Variants in APAF1 observed in about 807,000 individuals in gnomAD.
The protein encoded by APAF1 is apoptotic protease-activating factor 1.
A neutral mutation model predicts 152.4 loss-of-function variants in APAF1; 91 were observed. The observed-to-expected ratio is 0.60, with a 90% CI of 0.50 to 0.71. The LOEUF (loss-of-function observed/expected upper bound fraction) is 0.71. APAF1 is among the 30% of genes least tolerant of loss of function. APAF1 has a pLI of 0.00. For missense variants in APAF1, 1,283 were observed against 1,472.0 expected (o/e 0.87, Z 2.10); for synonymous variants, 484 against 494.1 (o/e 0.98, Z 0.27).
intron 24 of APAF1, among the ~76,000 whole-genome samples, chr12:98,724,419 C>T (rs2097747449): frequency 1.3e-5 from 2 of 151,252 alleles, no homozygotes; most frequent in African/African-American, 4.9e-5. Context: ...TGTTGAAACA[C>T]CTATTACCTA....
At chr12:98,672,211 C>T (rs2097681073) in intron 12 of APAF1, among the ~76,000 whole-genome samples, 1 of 152,098 alleles carries the variant, frequency 6.6e-6, no homozygotes, top group Non-Finnish European at 1.5e-5. Context: ...GTTGCCAAGG[C>T]TGGAGTGCAG....
At chr12:98,667,767 T>A in intron 10 of APAF1, 123 bp downstream of exon 10, 50 of 315,246 alleles carry the variant, frequency 1.6e-4, no homozygotes, top group East Asian at 3.6e-4. Context: ...TCCATTTGAT[T>A]TTTTTTTTTT....
rs149880887 is a variant in APAF1 at position 98,715,038 on chromosome 12, T to C, written c.2959-389T>C. Among the ~76,000 whole-genome samples the C allele has an allele frequency of 4.7e-5, 7 of 149,672 alleles. No homozygotes were observed. The South Asian group carries it at 1.3e-3, about 27-fold the overall frequency. The stretch of plus-strand genomic sequence containing the variant: ...ATAATTTGCCTTCTCATCCAGGACT[T>C]ACTTACTTTCTTCTCTCTTATCCAT... On this transcript the variant is annotated intron_variant, in intron 21 of 26. Coordinates refer to ENST00000551964, the MANE Select transcript of APAF1 (RefSeq NM_181861.2).
chr12:98,686,690 C>T, intron 15 of APAF1, 58 bp from the exon 16 acceptor site: 1 of 1,529,884 alleles, frequency 6.5e-7, no homozygotes, highest in East Asian at 2.3e-5. Flanking sequence ...CACATGATTT[C>T]TGATGTTTCC....
At chr12:98,700,255 A>G (rs184239133) in intron 17 of APAF1, among the ~76,000 whole-genome samples, 9 of 152,310 alleles carry the variant, frequency 5.9e-5, no homozygotes, top group South Asian at 2.1e-4. Flanking sequence ...CAGAGCAGCC[A>G]AATGATTTGT....
intron 20 of APAF1, among the ~76,000 whole-genome samples, chr12:98,711,398 T>A (rs1224597855): frequency 6.6e-6 from 1 of 150,934 alleles, no homozygotes; most frequent in East Asian, 1.9e-4. Context: ...CATTTTTTAG[T>A]TACTACTTAA....
At chr12:98,676,600 G>A (rs1403928923) in intron 12 of APAF1, among the ~76,000 whole-genome samples, 1 of 151,308 alleles carries the variant, frequency 6.6e-6, no homozygotes, top group Non-Finnish European at 1.5e-5. Context: ...AGAATATGAT[G>A]TTGCTTTATC....
In APAF1 at chr12:98,670,729, G is replaced by A. The variant is rs373741328; in HGVS notation, c.1495-244G>A. On this transcript the variant is annotated intron_variant, in intron 10 of 26. Transcript: ENST00000551964. ...CAAAAATATTTATTTTTATTTTCTA[G>A]TATTTTTAAATGTTTTCTATTTTCT... The A allele has an allele frequency of 8.9e-5, 28 of 315,052 alleles. No individual in the cohort carries two copies. In the East Asian group the frequency reaches 9.4e-4, roughly 11 times the overall value. 19.5% of individuals were successfully genotyped at this position (315,052 alleles called of 1,614,324 possible). A position where few individuals can be genotyped will look rare whatever the true frequency, so the allele number is the denominator to read the frequency against.
At chr12:98,705,651 A>G (rs2097720585) in intron 18 of APAF1, among the ~76,000 whole-genome samples, 1 of 152,242 alleles carries the variant, frequency 6.6e-6, no homozygotes, top group South Asian at 2.1e-4. Context: ...AGTAATTTAC[A>G]GCAGAACCCA....
At chr12:98,698,165 A>G (rs1387022967) in intron 16 of APAF1, among the ~76,000 whole-genome samples, 1 of 152,298 alleles carries the variant, frequency 6.6e-6, no homozygotes, top group African/African-American at 2.4e-5. Flanking sequence ...TTCTTTGTAA[A>G]ATTCAGGCAA....
At chr12:98,661,718 C>T (rs1396747106) in intron 5 of APAF1, among the ~76,000 whole-genome samples, 1 of 152,002 alleles carries the variant, frequency 6.6e-6, no homozygotes, top group Non-Finnish European at 1.5e-5. Flanking sequence ...ATCCGCCTGC[C>T]CTGGCCTCCC....
rs1213295732 is a variant in APAF1, at chr12:98,735,249, G to A, written c.*2683G>A. 2 of 398,440 alleles carry A rather than the reference G, an allele frequency of 5.0e-6. No homozygotes were observed. Among genetic ancestry groups the A allele is most frequent in the East Asian group, 3.6e-5 (1 of 28,084 alleles). The allele number at this position is 398,440 out of a possible 1,614,324, so 24.7% of individuals were successfully genotyped here. ...GCATTTTCCCTTGCTGTATTTTTTT[G>A]TATTATAAATTACATTGGACTTCAT... On this transcript the variant is annotated 3_prime_UTR_variant, in exon 27 of 27. Transcript: ENST00000551964.
intron 13 of APAF1, among the ~76,000 whole-genome samples, chr12:98,679,627 T>G (rs1011801449): frequency 4.6e-5 from 7 of 152,212 alleles, no homozygotes; most frequent in African/African-American, 1.7e-4. Context: ...GAGCCCAGAC[T>G]TGGGAGCTCC....
intron 16 of APAF1, among the ~76,000 whole-genome samples, chr12:98,691,354 T>G (rs1432139783): frequency 6.6e-6 from 1 of 152,236 alleles, no homozygotes; most frequent in African/African-American, 2.4e-5. Flanking sequence ...CTTACAAATG[T>G]TCTTGGGCCT....
intron 4 of APAF1, among the ~76,000 whole-genome samples, chr12:98,653,290 T>G (rs1171784635): frequency 2.0e-5 from 3 of 152,094 alleles, no homozygotes; most frequent in Admixed American, 2.0e-4. Flanking sequence ...GAGATCTAAA[T>G]TTGATTAAAA....
intron 26 of APAF1, among the ~76,000 whole-genome samples, chr12:98,727,924 A>G (rs934139065): frequency 2.2e-4 from 34 of 151,902 alleles, no homozygotes; most frequent in Non-Finnish European, 4.4e-4. Context: ...CTAGGCAACA[A>G]GAGCAAAACT....
chr12:98,665,277 TA>T (rs368427585), intron 7 of APAF1, among the ~76,000 whole-genome samples: 20,751 of 86,678 alleles, frequency 0.24, 1,878 homozygotes, highest in East Asian at 0.36. Flanking sequence ...TATATATATA[TA>T]TTTTTTTTTT....
chr12:98,685,164 G>T (rs1171682994), intron 15 of APAF1, among the ~76,000 whole-genome samples: 1 of 152,030 alleles, frequency 6.6e-6, no homozygotes, highest in Admixed American at 6.6e-5. Context: ...CTTCTTCTGG[G>T]TTTAATCTTA....
intron 16 of APAF1, among the ~76,000 whole-genome samples, chr12:98,698,228 A>T (rs2097711768): frequency 6.6e-6 from 1 of 152,182 alleles, no homozygotes; most frequent in South Asian, 2.1e-4. Context: ...AAAACAAAAC[A>T]AAACAAAACA....
Sources: allele counts gnomAD v4.1 joint callset (sites outside exome capture counted in the v4.1 genomes callset), GRCh38; gene constraint gnomAD v4.1.1; transcripts MANE v1.5; gene names NCBI Gene and HGNC (gene_info 2026-07-23, HGNC 2026-07-21).